The following PRKCSH variants were observed in gnomAD, a reference collection of about 807,000 sequenced individuals.
PRKCSH encodes the protein PRKCSH beta subunit of glucosidase II, also known as glucosidase 2 subunit beta.
A neutral mutation model predicts 79.7 loss-of-function variants in PRKCSH; 42 were observed. The ratio of observed to expected loss-of-function variants is 0.53; its 90% CI spans 0.41 to 0.68. The LOEUF is 0.68. PRKCSH is among the 30% of genes least tolerant of loss of function. The pLI, the probability that PRKCSH is intolerant of heterozygous loss-of-function variation, is 0.00. For missense variants in PRKCSH, 686 were observed against 709.0 expected (o/e 0.97, Z 0.37); for synonymous variants, 325 against 288.2 (o/e 1.13, Z -1.29).
In PRKCSH at chr19:11,448,029, G is replaced by T; in HGVS notation, c.1127-193G>T. ...GTTTGTGTCACTCCTGGCCCCACTC[G>T]CTCAGGAGCTGGGAGCCTGGGCAGC... On this transcript the variant is annotated intron_variant, in intron 12 of 17. Transcript: ENST00000677123. This position sits in a 1 kb window ranked among gnomAD's most constrained non-coding sequence, Gnocchi z 4.4. 1 of 759,054 alleles carries T rather than the reference G, an allele frequency of 1.3e-6. No homozygotes were observed. 47.0% of individuals were successfully genotyped at this position (759,054 alleles called of 1,614,324 possible).
rs775833098 is a variant in PRKCSH, at chr19:11,447,153, G to A, written c.842G>A (p.Arg281Gln). The A allele has an allele frequency of 6.4e-5, 104 of 1,613,764 alleles. No individual in the cohort carries two copies. The highest frequency in any genetic ancestry group is 8.1e-5 in the Non-Finnish European group (96 of 1,179,840). ...RVWAAIRDKY[R>Q]SEALPTDLPA... ...TGGGCCGCCATCAGGGACAAGTACC[G>A]GTCCGAGGTCAGTGGAGGAGAAGGG... Residue 281 changes from arginine (R) to glutamine (Q), a missense_variant, in exon 10 of 18, where the codon CGG (arginine) becomes CAG (glutamine). Transcript: ENST00000677123. The surrounding 1 kb of genome is among the most constrained non-coding windows in gnomAD (Gnocchi z 5.6).
intron 3 of PRKCSH, 50 bp downstream of exon 3, chr19:11,436,555 G>A: frequency 7.1e-7 from 1 of 1,414,686 alleles, no homozygotes; most frequent in Non-Finnish European, 9.9e-7. Flanking sequence ...ACACTGCTCA[G>A]TGCCAGGCCC....
rs1157439596 is a variant in PRKCSH at position 11,448,767 on chromosome 19, G to T, written c.1286+138G>T. On this transcript the variant is annotated intron_variant, in intron 14 of 17. Coordinates refer to ENST00000677123, the MANE Select transcript of PRKCSH (RefSeq NM_001289104.2). The surrounding 1 kb of genome is among the most constrained non-coding windows in gnomAD (Gnocchi z 4.4). ...GAGTGCTGCCTTCCATATTGAGGGGGAGCAGAAGCCAGGGGCCAGGTTTAG... is the reference window on the plus strand; with the variant it reads ...GAGTGCTGCCTTCCATATTGAGGGGTAGCAGAAGCCAGGGGCCAGGTTTAG... 1 of 1,313,220 alleles carries T rather than the reference G, an allele frequency of 7.6e-7. No individual in the cohort carries two copies. Among genetic ancestry groups the T allele is most frequent in the African/African-American group, 1.5e-5 (1 of 68,956 alleles). The allele number at this position is 1,313,220 out of a possible 1,614,324, so 81.3% of individuals were successfully genotyped here. A position where few individuals can be genotyped will look rare whatever the true frequency, so the allele number is the denominator to read the frequency against.
At chr19:11,445,666 TA>T (rs1259778880) in intron 8 of PRKCSH, 193 bp downstream of exon 8, 2 of 650,974 alleles carry the variant, frequency 3.1e-6, no homozygotes, top group Non-Finnish European at 5.6e-6. Flanking sequence ...GGCGAGGAGA[TA>T]GGGGGACCAC....
Position 11,446,183 on chromosome 19 carries a change from C to G in PRKCSH, c.684-89C>G. On this transcript the variant is annotated intron_variant, in intron 8 of 17. Coordinates refer to ENST00000677123, the MANE Select transcript of PRKCSH (RefSeq NM_001289104.2). ...AAGCAAGTTCCAGGGTGGGGCCCTGCAGGGAAGAACAGGTGGGCCACATGG... is the reference window on the plus strand; with the variant it reads ...AAGCAAGTTCCAGGGTGGGGCCCTGGAGGGAAGAACAGGTGGGCCACATGG... 3.5e-6 allele frequency: 5 copies of G among 1,428,080 alleles called. No homozygotes were observed. In the South Asian group the frequency reaches 5.9e-5, roughly 17 times the overall value. The allele number at this position is 1,428,080 out of a possible 1,614,324, so 88.5% of individuals were successfully genotyped here. A position where few individuals can be genotyped will look rare whatever the true frequency, so the allele number is the denominator to read the frequency against.
In PRKCSH at chr19:11,449,877, G is replaced by T; in HGVS notation, c.*16+449G>T. 4.7e-6 allele frequency: 1 copy of T among 214,864 alleles called. No individual in the cohort carries two copies. Among genetic ancestry groups the T allele is most frequent in the Non-Finnish European group, 9.4e-6 (1 of 106,542 alleles). 13.3% of individuals were successfully genotyped at this position (214,864 alleles called of 1,614,324 possible). A position where few individuals can be genotyped will look rare whatever the true frequency, so the allele number is the denominator to read the frequency against. ...TTTTGGATGGAGTTTCACTCTTGTTGCCGAGGCTGGAATGTGGAATGCAAT... is the reference window on the plus strand; with the variant it reads ...TTTTGGATGGAGTTTCACTCTTGTTTCCGAGGCTGGAATGTGGAATGCAAT... On this transcript the variant is annotated intron_variant, in intron 17 of 17. Coordinates refer to ENST00000677123, the MANE Select transcript of PRKCSH (RefSeq NM_001289104.2). The surrounding 1 kb of genome is among the most constrained non-coding windows in gnomAD (Gnocchi z 6.4).
intron 7 of PRKCSH, among the ~76,000 whole-genome samples, chr19:11,444,749 TC>T (rs1336229485): frequency 6.6e-6 from 1 of 152,034 alleles, no homozygotes; most frequent in Non-Finnish European, 1.5e-5. Flanking sequence ...TGGCCCCTCT[TC>T]CTGGGAGCAG....
intron 8 of PRKCSH, 130 bp downstream of exon 8, chr19:11,445,603 G>A: frequency 1.1e-6 from 1 of 908,402 alleles, no homozygotes; most frequent in African/African-American, 1.6e-5. Context: ...CTGATCCCAA[G>A]CCCCGTGTGA....
rs1969865845 is a variant in PRKCSH, at chr19:11,438,075, G to A, written c.301G>A (p.Asp101Asn). Residue 101 changes from aspartate (D) to asparagine (N), a missense_variant, in exon 5 of 18, where the codon GAT becomes AAT. Around this residue, in one of 2 missense-constraint regions of PRKCSH, gnomAD observed 549 missense variants for 520.2 expected, o/e 1.06. Transcript: ENST00000677123. ...TTCTGCCTCTGCCACAGACTGCTGC[G>A]ATGGAACAGACGAGTACAACAGCGG... ...RVNDGVCDCCDGTDEYNSGVI... is the reference protein window; with the variant it reads ...RVNDGVCDCCNGTDEYNSGVI... The A allele has an allele frequency of 1.2e-6, 2 of 1,614,148 alleles. No homozygotes were observed. Among genetic ancestry groups the A allele is most frequent in the East Asian group, 2.2e-5 (1 of 44,876 alleles).
rs1270364292 is a variant in PRKCSH at position 11,447,852 on chromosome 19, G to T, written c.1126+63G>T. 1.4e-6 allele frequency: 2 copies of T among 1,479,090 alleles called. No individual in the cohort carries two copies. The highest frequency in any genetic ancestry group is 2.8e-5 in the African/African-American group (2 of 71,372). The allele number at this position is 1,479,090 out of a possible 1,614,324, so 91.6% of individuals were successfully genotyped here. On this transcript the variant is annotated intron_variant, in intron 12 of 17. Transcript: ENST00000677123. The surrounding 1 kb of genome is among the most constrained non-coding windows in gnomAD (Gnocchi z 5.6). The stretch of plus-strand genomic sequence containing the variant: ...CAGCGTTTCCTGCCGTGGTGGCACA[G>T]GTCGAGGGAAGATCCTGAGCTTAGA...
At position 11,448,405 on chromosome 19, in the gene PRKCSH, C is replaced by T; in HGVS notation, c.1196+114C>T. 6.8e-7 allele frequency: 1 copy of T among 1,466,410 alleles called. No homozygotes were observed. The highest frequency in any genetic ancestry group is 1.9e-5 in the Admixed American group (1 of 52,284). 90.8% of individuals were successfully genotyped at this position (1,466,410 alleles called of 1,614,324 possible). Reference sequence around the variant, plus strand: ...AACCACAGGCTGGGCCTGGTCCCTGCAGGGAGGGTCCCTGGGAGGTGGCAG... The same window carrying T: ...AACCACAGGCTGGGCCTGGTCCCTGTAGGGAGGGTCCCTGGGAGGTGGCAG... On this transcript the variant is annotated intron_variant, in intron 13 of 17. Coordinates refer to ENST00000677123, the MANE Select transcript of PRKCSH (RefSeq NM_001289104.2). The surrounding 1 kb of genome is among the most constrained non-coding windows in gnomAD (Gnocchi z 4.4).
chr19:11,439,006 C>G (rs566810715), intron 5 of PRKCSH, among the ~76,000 whole-genome samples: 11 of 152,042 alleles, frequency 7.2e-5, no homozygotes, highest in African/African-American at 2.4e-4. Flanking sequence ...CCTTCGGGTT[C>G]AAGCAATTCT....
chr19:11,449,417 A>C lies in PRKCSH; in HGVS notation c.*5A>C, dbSNP rs1449292711. On this transcript the variant is annotated 3_prime_UTR_variant, in exon 17 of 18. Coordinates refer to ENST00000677123, the MANE Select transcript of PRKCSH (RefSeq NM_001289104.2). The surrounding 1 kb of genome is among the most constrained non-coding windows in gnomAD (Gnocchi z 6.4). ...GACGACCATGACGAGCTCTAGCTGG[A>C]TGGGCGCAGAGGTGGGCGGGGAGGT... 6.2e-7 allele frequency: 1 copy of C among 1,612,146 alleles called. No individual in the cohort carries two copies. Among genetic ancestry groups the C allele is most frequent in the East Asian group, 2.2e-5 (1 of 44,862 alleles).
chr19:11,445,927 A>C, intron 8 of PRKCSH: 1 of 429,856 alleles, frequency 2.3e-6, no homozygotes, highest in Non-Finnish European at 4.2e-6. Context: ...CCGAATGGGC[A>C]AGGGTGGGGG....
chr19:11,435,670 G>A lies in PRKCSH; in HGVS notation c.-114G>A, dbSNP rs954637749. Reference sequence around the variant, plus strand: ...CAGGAACCGCGGCTGCTGGACAAGAGGGGTGCGGTGGATACTGACCTTTGC... The same window carrying A: ...CAGGAACCGCGGCTGCTGGACAAGAAGGGTGCGGTGGATACTGACCTTTGC... On this transcript the variant is annotated 5_prime_UTR_variant, in exon 1 of 18. Transcript: ENST00000677123. The A allele has an allele frequency of 3.1e-6, 4 of 1,300,260 alleles. No individual in the cohort carries two copies. The highest frequency in any genetic ancestry group is 5.4e-5 in the East Asian group (1 of 18,622). 80.5% of individuals were successfully genotyped at this position (1,300,260 alleles called of 1,614,324 possible).
In PRKCSH at chr19:11,449,511, C is replaced by T; in HGVS notation, c.*16+83C>T. ...TGAGGAAGATGGACCCACATGGCCA[C>T]TCTATCAACCTGTGTCCCCATGTTC... is the stretch of plus-strand genomic sequence containing the variant. On this transcript the variant is annotated intron_variant, in intron 17 of 17. Transcript: ENST00000677123. This position sits in a 1 kb window ranked among gnomAD's most constrained non-coding sequence, Gnocchi z 6.4. 1.3e-6 allele frequency: 2 copies of T among 1,538,886 alleles called. No individual in the cohort carries two copies. The highest frequency in any genetic ancestry group is 1.8e-6 in the Non-Finnish European group (2 of 1,118,292).
intron 17 of PRKCSH, 134 bp from the exon 18 acceptor site, chr19:11,450,512 A>G (rs1970565974): frequency 6.6e-6 from 1 of 151,914 alleles, no homozygotes; most frequent in Non-Finnish European, 1.5e-5. Context: ...AAAATAGACA[A>G]GGTCTCCAGG....
chr19:11,447,097 G>A lies in PRKCSH; in HGVS notation c.786G>A (p.Gln262=). The part of the protein sequence containing the change: ...EAQALLSGDT[Q]TDATSFYDRV... The stretch of plus-strand genomic sequence containing the variant: ...AGGCCCTCCTCAGTGGGGACACACA[G>A]ACAGACGCCACCTCTTTCTACGACC... Residue 262 remains glutamine, a synonymous_variant, in exon 10 of 18, where the codon CAG becomes CAA. Transcript: ENST00000677123. This position sits in a 1 kb window ranked among gnomAD's most constrained non-coding sequence, Gnocchi z 5.6. The A allele has an allele frequency of 6.2e-7, 1 of 1,614,016 alleles. No individual in the cohort carries two copies. Among genetic ancestry groups the A allele is most frequent in the Non-Finnish European group, 8.5e-7 (1 of 1,179,892 alleles).
In PRKCSH at chr19:11,442,501, A is replaced by G. The variant is rs368257904; in HGVS notation, c.584A>G (p.Gln195Arg). Residue 195 changes from glutamine (Q) to arginine (R), a missense_variant, in exon 7 of 18, where the codon CAG (glutamine) becomes CGG (arginine). Physicochemically the swap from Gln to Arg is conservative, Grantham distance 43. Transcript: ENST00000677123. ...GAGAGAGAGGCCAAAGAGCAGCACC[A>G]GAAGCTGTGGGAAGGTATGGCAGAA... The part of the protein sequence containing the change: ...KPEREAKEQH[Q>R]KLWEEQLAAA... 14 of 1,611,164 alleles carry G rather than the reference A, an allele frequency of 8.7e-6. No homozygotes were observed. The African/African-American group carries it at 1.3e-4, about 15-fold the overall frequency.
Sources: gnomAD v4.1 joint callset for allele counts (sites outside exome capture counted in the v4.1 genomes callset) on GRCh38, gnomAD v4.1.1 for gene constraint, gnomAD v4.1.1 regional missense constraint, Gnocchi (gnomAD v3.1) non-coding constraint, MANE v1.5 for transcripts, NCBI Gene and HGNC (gene_info 2026-07-23, HGNC 2026-07-21) for gene names.